Variants in GLOD4 observed in about 807,000 individuals in gnomAD.
The protein encoded by GLOD4 is glyoxalase domain-containing protein 4.
Under a neutral mutation model 39.1 loss-of-function variants are expected in GLOD4, and 44 were observed. The ratio of observed to expected loss-of-function variants is 1.13; its 90% CI spans 0.88 to 1.45. The LOEUF (loss-of-function observed/expected upper bound fraction) is 1.45. GLOD4 is among the 40% of genes most tolerant of loss of function. The pLI is 0.00. For missense variants in GLOD4, 405 were observed against 366.4 expected (o/e 1.11, Z -0.86); for synonymous variants, 145 against 135.0 (o/e 1.07, Z -0.52).
At chr17:782,424 C>G, upstream of GLOD4, 5 of 1,613,996 alleles carry the variant, frequency 3.1e-6, no homozygotes, top group Non-Finnish European at 4.2e-6. Context: ...GCGACCGTTG[C>G]TGCAGGTGGT....
chr17:772,111 C>T (rs1021662854), intron 4 of GLOD4, among the ~76,000 whole-genome samples: 2 of 145,332 alleles, frequency 1.4e-5, no homozygotes, highest in Admixed American at 6.9e-5. Flanking sequence ...ATCGCTTGAG[C>T]CCGGGAGGTT....
chr17:782,419 C>A (rs752422638), upstream of GLOD4: 4 of 1,613,828 alleles, frequency 2.5e-6, no homozygotes, highest in Non-Finnish European at 1.7e-6. Flanking sequence ...GTCGTGCGAC[C>A]GTTGCTGCAG....
At chr17:771,038 T>C in intron 5 of GLOD4, 1 of 247,612 alleles carries the variant, frequency 4.0e-6, no homozygotes, top group East Asian at 1.0e-4. Flanking sequence ...GCTGGGTTAT[T>C]AGAAAAAGAA....
Position 759,695 on chromosome 17 carries a change from A to T in GLOD4, c.*478T>A, listed in dbSNP as rs1036967465. On this transcript the variant is annotated 3_prime_UTR_variant, in exon 9 of 9. Coordinates refer to ENST00000301329, the MANE Select transcript of GLOD4 (RefSeq NM_016080.4). Reference sequence around the variant, plus strand: ...TTGGTCCAAGGAATAAAATTTCTTTAAAAAATTTAAAACGTCAAAACCTGC... The same window carrying T: ...TTGGTCCAAGGAATAAAATTTCTTTTAAAAATTTAAAACGTCAAAACCTGC... 2 of 152,848 alleles carry T rather than the reference A, an allele frequency of 1.3e-5. No homozygotes were observed. Among genetic ancestry groups the T allele is most frequent in the Non-Finnish European group, 2.9e-5 (2 of 68,460 alleles). 9.5% of individuals were successfully genotyped at this position (152,848 alleles called of 1,614,324 possible). A position where few individuals can be genotyped will look rare whatever the true frequency, so the allele number is the denominator to read the frequency against.
Position 781,861 on chromosome 17 carries a change from A to G in GLOD4, c.90+305T>C, listed in dbSNP as rs567725561. 4.9e-5 allele frequency: 20 copies of G among 407,398 alleles called. No individual in the cohort carries two copies. In the Admixed American group the frequency reaches 5.2e-4, roughly 11 times the overall value. The allele number at this position is 407,398 out of a possible 1,614,324, so 25.2% of individuals were successfully genotyped here. A position where few individuals can be genotyped will look rare whatever the true frequency, so the allele number is the denominator to read the frequency against. ...GAAAGCATTATATAACATTTTATTT[A>G]CCGTCTTTTCCGGTAGACGGTAAGC... On this transcript the variant is annotated intron_variant, in intron 1 of 8. Coordinates refer to ENST00000301329, the MANE Select transcript of GLOD4 (RefSeq NM_016080.4).
At chr17:783,191 A>G (rs150291167), upstream of GLOD4, 5 of 1,614,026 alleles carry the variant, frequency 3.1e-6, no homozygotes, top group African/African-American at 4.0e-5. Flanking sequence ...GAGCTGTGCC[A>G]AAAATGTTCT....
At chr17:768,603 G>C (rs1311138775) in intron 8 of GLOD4, among the ~76,000 whole-genome samples, 1 of 131,806 alleles carries the variant, frequency 7.6e-6, no homozygotes, top group African/African-American at 2.9e-5. Context: ...AGTCTGGAGA[G>C]GACGTGAGAG....
At chr17:764,446 G>A (rs1226099554) in intron 8 of GLOD4, 1 of 152,194 alleles carries the variant, frequency 6.6e-6, no homozygotes, top group Non-Finnish European at 1.5e-5. Context: ...GATCACTTTC[G>A]ATGACTGTTT....
At chr17:782,514 G>C (rs1204745373), upstream of GLOD4, 3 of 1,613,466 alleles carry the variant, frequency 1.9e-6, no homozygotes, top group Non-Finnish European at 2.5e-6. Context: ...TCCTTCCGGA[G>C]AGGTGGTGGA....
At position 770,065 on chromosome 17, in the gene GLOD4, C is replaced by A. The variant is rs751018018; in HGVS notation, c.723G>T (p.Gln241His). Residue 241 changes from glutamine to histidine, a missense_variant, in exon 7 of 9, where the codon CAG becomes CAT. Transcript: ENST00000301329. ...SLDTPGKATV[Q>H]VVILADPDGH... ...TTACAGGGTCGGCCAGAATGACCAC[C>A]TGTACTGTTGCTTTCCCTGGGGTGT... 6.2e-7 allele frequency: 1 copy of A among 1,610,272 alleles called. No individual in the cohort carries two copies. The highest frequency in any genetic ancestry group is 1.7e-5 in the Admixed American group (1 of 60,016).
At chr17:770,259 C>A (rs376529094) in intron 6 of GLOD4, 102 bp from the exon 7 acceptor site, 7 of 764,814 alleles carry the variant, frequency 9.2e-6, no homozygotes, top group Non-Finnish European at 1.6e-5. Context: ...AGAACCAAGG[C>A]GCCATTTGTT....
intron 8 of GLOD4, chr17:764,499 T>G (rs1906105203): frequency 6.6e-6 from 1 of 152,088 alleles, no homozygotes; most frequent in Non-Finnish European, 1.5e-5. Context: ...TCCTAGGTAT[T>G]TACTCAAGAG....
chr17:781,544 C>T (rs1263493403), intron 1 of GLOD4, among the ~76,000 whole-genome samples: 1 of 152,184 alleles, frequency 6.6e-6, no homozygotes, highest in Non-Finnish European at 1.5e-5. Context: ...GCTCTTGCAC[C>T]TTTCAAGTCT....
chr17:780,917 CTTTTTTTTTT>C (rs897931602), intron 1 of GLOD4, among the ~76,000 whole-genome samples: 1 of 120,830 alleles, frequency 8.3e-6, no homozygotes, highest in South Asian at 2.9e-4. Context: ...GGTGTTGAAT[CTTTTTTTTTT>C]TTTTTTTTTT....
At chr17:785,164 A>C (rs1291163870), upstream of GLOD4, among the ~76,000 whole-genome samples, 1 of 143,556 alleles carries the variant, frequency 7.0e-6, no homozygotes, top group African/African-American at 2.8e-5. Context: ...TGCTTGGCTT[A>C]AAAAAAAAAG....
Position 770,155 on chromosome 17 carries a change from C to T in GLOD4, c.633G>A (p.Leu211=), listed in dbSNP as rs763577506. ...RIAFSCPQKE[L]PDLEDLMKRE... ...TTTTCATCAAGTCTTCTAAGTCTGG[C>T]AACTTGAGGAAAACAGAGGCAACGT... The change falls in exon 7 of 9, where the codon TTG becomes TTA. Residue 211 remains leucine, a splice_region_variant and synonymous_variant. Coordinates refer to ENST00000301329, the MANE Select transcript of GLOD4 (RefSeq NM_016080.4). 7.6e-6 allele frequency: 12 copies of T among 1,588,402 alleles called. No homozygotes were observed. In the South Asian group the frequency reaches 1.3e-4, roughly 18 times the overall value.
Position 760,133 on chromosome 17 carries a change from G to A in GLOD4, c.*40C>T, listed in dbSNP as rs1234809495. On this transcript the variant is annotated 3_prime_UTR_variant, in exon 9 of 9. Coordinates refer to ENST00000301329, the MANE Select transcript of GLOD4 (RefSeq NM_016080.4). ...GACACGTCAGGCCTCACAGGTGCTG[G>A]GCAGGAATCACAGAGGCTTGCTCTG... 1 of 1,188,872 alleles carries A rather than the reference G, an allele frequency of 8.4e-7. No homozygotes were observed. The highest frequency in any genetic ancestry group is 1.7e-5 in the Admixed American group (1 of 59,056). The allele number at this position is 1,188,872 out of a possible 1,614,324, so 73.6% of individuals were successfully genotyped here. A position where few individuals can be genotyped will look rare whatever the true frequency, so the allele number is the denominator to read the frequency against.
chr17:772,864 G>A (rs879771272), intron 4 of GLOD4, among the ~76,000 whole-genome samples: 5 of 151,968 alleles, frequency 3.3e-5, no homozygotes, highest in East Asian at 1.9e-4. Flanking sequence ...GCGTGCTGGC[G>A]GGCGCCTGTG....
At chr17:772,187 G>GAAAAA (rs58914913) in intron 4 of GLOD4, among the ~76,000 whole-genome samples, 205 of 50,728 alleles carry the variant, frequency 4.0e-3, no homozygotes, top group Non-Finnish European at 4.6e-3. Flanking sequence ...ACCCTATCTC[G>GAAAAA]AAAAAAAAAA....
Sources: allele counts gnomAD v4.1 joint callset (sites outside exome capture counted in the v4.1 genomes callset), GRCh38; gene constraint gnomAD v4.1.1; transcripts MANE v1.5; gene names NCBI Gene and HGNC (gene_info 2026-07-23, HGNC 2026-07-21).